ARMC6: variants seen among roughly 807,000 people sequenced by gnomAD.
ARMC6 encodes the protein armadillo repeat containing 6.
A neutral mutation model predicts 49.2 loss-of-function variants in ARMC6; 43 were observed. That is an observed-to-expected ratio of 0.87 (90% CI 0.69 to 1.13). The LOEUF is 1.13. Among genes scored for constraint, ARMC6 ranks in the 50% most tolerant of loss-of-function variants. The pLI, the probability that ARMC6 is intolerant of heterozygous loss-of-function variation, is 0.00. For missense variants in ARMC6, 627 were observed against 682.0 expected (o/e 0.92, Z 0.90); for synonymous variants, 262 against 289.6 (o/e 0.90, Z 0.97).
intron 4 of ARMC6, among the ~76,000 whole-genome samples, chr19:19,050,418 G>A (rs1316259654): frequency 1.3e-5 from 2 of 152,178 alleles, no homozygotes; most frequent in East Asian, 3.9e-4. Context: ...TGCTCCGTAT[G>A]TTGCCCAGGC....
intron 5 of ARMC6, among the ~76,000 whole-genome samples, chr19:19,052,565 T>C (rs987432916): frequency 1.3e-5 from 2 of 152,170 alleles, no homozygotes; most frequent in African/African-American, 4.8e-5. Context: ...CTCAGCTGGA[T>C]GTGTACACGC....
Position 19,057,764 on chromosome 19 carries a change from A to C in ARMC6, c.*136A>C. Reference sequence around the variant, plus strand: ...AGTGTTTTCTGGCAGGCCCTAGGTAAAGGGTCGGGGGAGGGGGGAGCCTTG... The same window carrying C: ...AGTGTTTTCTGGCAGGCCCTAGGTACAGGGTCGGGGGAGGGGGGAGCCTTG... On this transcript the variant is annotated 3_prime_UTR_variant, in exon 9 of 9. Coordinates refer to ENST00000535612, the MANE Select transcript of ARMC6 (RefSeq NM_001199196.2). 2.7e-4 allele frequency: 145 copies of C among 531,142 alleles called. No individual in the cohort carries two copies. The highest frequency in any genetic ancestry group is 9.4e-4 in the East Asian group (17 of 18,156). 32.9% of individuals were successfully genotyped at this position (531,142 alleles called of 1,614,324 possible). A position where few individuals can be genotyped will look rare whatever the true frequency, so the allele number is the denominator to read the frequency against.
In ARMC6 at chr19:19,055,765, A is replaced by G. The variant is rs779251578; in HGVS notation, c.1156-26A>G. ...GTGGGGGGTCTATCTGCTGCATCTC[A>G]GCCTTTCTGTGACTGGCCCCTGCAG... On this transcript the variant is annotated intron_variant, in intron 7 of 8. Transcript: ENST00000535612. The surrounding 1 kb of genome is among the most constrained non-coding windows in gnomAD (Gnocchi z 5.7). 17 of 1,540,084 alleles carry G rather than the reference A, an allele frequency of 1.1e-5. No homozygotes were observed. The highest frequency in any genetic ancestry group is 1.4e-5 in the Non-Finnish European group (16 of 1,133,044).
At chr19:19,037,789 T>G in intron 2 of ARMC6, 3 of 727,876 alleles carry the variant, frequency 4.1e-6, no homozygotes, top group South Asian at 2.2e-5. Flanking sequence ...CCTCCTTTTG[T>G]TCCAAAGGGA....
In ARMC6 at chr19:19,055,216, C is replaced by G. The variant is rs775547313; in HGVS notation, c.1024-49C>G. On this transcript the variant is annotated intron_variant, in intron 6 of 8. Transcript: ENST00000535612. This position sits in a 1 kb window ranked among gnomAD's most constrained non-coding sequence, Gnocchi z 5.7. The stretch of plus-strand genomic sequence containing the variant: ...CCACATTCTCCCTCAGAGCCCTCTC[C>G]CACAACCAGCGGCCTGGCTGGAGGT... 18 of 1,535,556 alleles carry G rather than the reference C, an allele frequency of 1.2e-5. No individual in the cohort carries two copies. The Admixed American group carries it at 3.6e-4, about 31-fold the overall frequency.
rs376634135 is a variant in ARMC6 at position 19,042,803 on chromosome 19, G to C, written c.122G>C (p.Arg41Pro). ...IAQETFDAAV[R>P]ENIEEFAMGP... is the part of the protein sequence containing the mutation. Reference sequence around the variant, plus strand: ...CAGGAGACCTTTGATGCAGCTGTGCGCGAGAACATCGAGGAGTTTGCGATG... The same window carrying C: ...CAGGAGACCTTTGATGCAGCTGTGCCCGAGAACATCGAGGAGTTTGCGATG... Residue 41 changes from arginine to proline, a missense_variant, in exon 3 of 9, where the codon CGC (arginine) becomes CCC (proline). Transcript: ENST00000535612. The C allele has an allele frequency of 1.2e-6, 2 of 1,614,038 alleles. No homozygotes were observed. The highest frequency in any genetic ancestry group is 8.5e-7 in the Non-Finnish European group (1 of 1,180,046).
intron 1 of ARMC6, 39 bp downstream of exon 1, chr19:19,033,969 G>T: frequency 1.9e-6 from 1 of 527,896 alleles, no homozygotes; most frequent in East Asian, 3.4e-5. Context: ...CCCGCGCGGA[G>T]TGGGGAGTGG....
Position 19,057,923 on chromosome 19 carries a change from C to T in ARMC6, c.*295C>T, listed in dbSNP as rs11549380. ...CTACCAGAGGGGGCAAAGGGCACGTCCCATCACTCACTGCCCTGTCTGAAA... is the reference window on the plus strand; with the variant it reads ...CTACCAGAGGGGGCAAAGGGCACGTTCCATCACTCACTGCCCTGTCTGAAA... On this transcript the variant is annotated 3_prime_UTR_variant, in exon 9 of 9. Transcript: ENST00000535612. 35,313 of 504,752 alleles carry T rather than the reference C, an allele frequency of 0.07. 1,519 individuals carry two copies. The highest frequency in any genetic ancestry group is 0.11 in the Middle Eastern group (215 of 1,938). 31.3% of individuals were successfully genotyped at this position (504,752 alleles called of 1,614,324 possible).
At chr19:19,037,170 G>A (rs549874871) in intron 2 of ARMC6, among the ~76,000 whole-genome samples, 5 of 152,154 alleles carry the variant, frequency 3.3e-5, no homozygotes, top group African/African-American at 1.2e-4. Context: ...GGGCGACAGA[G>A]CGAGACTCTG....
At position 19,055,696 on chromosome 19, in the gene ARMC6, G is replaced by A; in HGVS notation, c.1156-95G>A. The A allele has an allele frequency of 6.8e-7, 1 of 1,478,648 alleles. No individual in the cohort carries two copies. The highest frequency in any genetic ancestry group is 9.0e-7 in the Non-Finnish European group (1 of 1,106,660). 91.6% of individuals were successfully genotyped at this position (1,478,648 alleles called of 1,614,324 possible). ...GTTGCCAGAGACCCACGGAGGGGAG[G>A]CCGCAGGGTGTTCACCAGGGGTTGG... is the stretch of plus-strand genomic sequence containing the variant. On this transcript the variant is annotated intron_variant, in intron 7 of 8. Transcript: ENST00000535612. The surrounding 1 kb of genome is among the most constrained non-coding windows in gnomAD (Gnocchi z 5.7).
In ARMC6 at chr19:19,054,294, C is replaced by T; in HGVS notation, c.996C>T (p.His332=). The change falls in exon 6 of 9, where the codon CAC becomes CAT. Residue 332 remains histidine, a synonymous_variant. Transcript: ENST00000535612. ...LVSLLADCND[H]QMRDQSGVQE... Reference sequence around the variant, plus strand: ...CCCTGCTAGCCGACTGCAATGACCACCAGATGAGGGACCAGAGCGGCGTTC... The same window carrying T: ...CCCTGCTAGCCGACTGCAATGACCATCAGATGAGGGACCAGAGCGGCGTTC... 1.2e-6 allele frequency: 2 copies of T among 1,600,182 alleles called. No homozygotes were observed. The highest frequency in any genetic ancestry group is 1.7e-6 in the Non-Finnish European group (2 of 1,173,340).
At chr19:19,034,000 G>C in intron 1 of ARMC6, 70 bp downstream of exon 1, 1 of 558,698 alleles carries the variant, frequency 1.8e-6, no homozygotes, top group Non-Finnish European at 3.2e-6. Context: ...GGGTCGGGCT[G>C]GCGCGACCCT....
At chr19:19,033,998 C>G in intron 1 of ARMC6, 68 bp downstream of exon 1, 1 of 555,302 alleles carries the variant, frequency 1.8e-6, no homozygotes, top group Non-Finnish European at 3.2e-6. Flanking sequence ...CAGGGTCGGG[C>G]TGGCGCGACC....
In ARMC6 at chr19:19,051,638, A is replaced by T; in HGVS notation, c.296A>T (p.Gln99Leu). Reference sequence around the variant, plus strand: ...GTCTCCCAGATGCTCAGTGACCTCCAGGAGTCTGTGGCCAGCTCTCGCCCC... The same window carrying T: ...GTCTCCCAGATGCTCAGTGACCTCCTGGAGTCTGTGGCCAGCTCTCGCCCC... ...HDILQMLSDLQESVASSRPQE... is the reference protein window; with the variant it reads ...HDILQMLSDLLESVASSRPQE... The change falls in exon 5 of 9, where the codon CAG becomes CTG. Residue 99 changes from glutamine to leucine, a missense_variant. Transcript: ENST00000535612. 1 of 1,604,062 alleles carries T rather than the reference A, an allele frequency of 6.2e-7. No individual in the cohort carries two copies. The highest frequency in any genetic ancestry group is 8.5e-7 in the Non-Finnish European group (1 of 1,174,648).
chr19:19,037,844 G>A, intron 2 of ARMC6: 1 of 339,720 alleles, frequency 2.9e-6, no homozygotes, highest in South Asian at 3.5e-5. Context: ...AAGACCTTCT[G>A]GTTAAGATCA....
rs2059554070 is a variant in ARMC6 at position 19,057,473 on chromosome 19, C to A, written c.1351C>A (p.Pro451Thr). The change falls in exon 9 of 9, where the codon CCC (proline) becomes ACC (threonine). Residue 451 changes from proline (P) to threonine (T), a missense_variant. By Grantham distance (38) the Pro-to-Thr change is conservative. Transcript: ENST00000535612. Reference protein sequence around the residue: ...LVAHGQAFSKPILDLGAEALI... With the variant: ...LVAHGQAFSKTILDLGAEALI... ...GGCCCACGGCCAGGCCTTCTCGAAG[C>A]CCATCCTGGACCTGGGGGCTGAGGC... 1.2e-6 allele frequency: 2 copies of A among 1,614,042 alleles called. No individual in the cohort carries two copies. The highest frequency in any genetic ancestry group is 1.7e-6 in the Non-Finnish European group (2 of 1,180,024).
At chr19:19,035,895 T>A (rs994060205) in intron 2 of ARMC6, among the ~76,000 whole-genome samples, 1 of 152,178 alleles carries the variant, frequency 6.6e-6, no homozygotes, top group Non-Finnish European at 1.5e-5. Context: ...ACGTGAGATA[T>A]AAATGAATAT....
rs559082724 is a variant in ARMC6 at position 19,037,015 on chromosome 19, G to A, written c.29+2777G>A. On this transcript the variant is annotated intron_variant, in intron 2 of 8. Transcript: ENST00000535612. ...AGCCTGGCCAACATGGTGAAACCCTGTCTCTACTAAAAATACGAAAATTAG... is the reference window on the plus strand; with the variant it reads ...AGCCTGGCCAACATGGTGAAACCCTATCTCTACTAAAAATACGAAAATTAG... 3.9e-5 allele frequency among the ~76,000 whole-genome samples: 6 copies of A among 152,042 alleles called. No homozygotes were observed. In the South Asian group the frequency reaches 1.2e-3, roughly 32 times the overall value.
At chr19:19,038,544 C>T (rs1346533081) in intron 2 of ARMC6, among the ~76,000 whole-genome samples, 1 of 152,128 alleles carries the variant, frequency 6.6e-6, no homozygotes, top group Non-Finnish European at 1.5e-5. Flanking sequence ...CCCTGGTTTC[C>T]AGGGTATGCC....
Sources: allele counts gnomAD v4.1 joint callset (sites outside exome capture counted in the v4.1 genomes callset), GRCh38; gene constraint gnomAD v4.1.1; non-coding constraint Gnocchi (gnomAD v3.1); transcripts MANE v1.5; gene names NCBI Gene and HGNC (gene_info 2026-07-23, HGNC 2026-07-21).